The following SLC24A2 variants were observed in gnomAD, a reference collection of about 807,000 sequenced individuals.
SLC24A2 encodes the protein solute carrier family 24 member 2.
SLC24A2 carries 36 observed loss-of-function variants against 62.0 expected under a neutral mutation model. The ratio of observed to expected loss-of-function variants is 0.58; its 90% CI spans 0.44 to 0.77. The LOEUF (loss-of-function observed/expected upper bound fraction) is 0.77. Ranked by LOEUF, SLC24A2 falls within the 30% of genes least tolerant of loss-of-function variation. SLC24A2 has a pLI of 0.00. For missense variants in SLC24A2, 846 were observed against 817.9 expected, an observed-to-expected ratio of 1.03 and a Z score of -0.42; for synonymous variants, 358 against 294.0, an observed-to-expected ratio of 1.22 and a Z score of -2.23.
chr9:19,817,127 A>G, the SLC24A2 span, among the ~76,000 whole-genome samples: 2 of 152,104 alleles, frequency 1.3e-5, no homozygotes, highest in African/African-American at 4.8e-5. Flanking sequence ...AATCATCTGG[A>G]AGACACTGTG....
rs1237058097 is a variant in SLC24A2, at chr9:19,515,066, C to T, written c.*1087G>A. The T allele has an allele frequency of 6.6e-6, 1 of 152,160 alleles. No individual in the cohort carries two copies. The highest frequency in any genetic ancestry group is 1.5e-5 in the Non-Finnish European group (1 of 68,024). The allele number at this position is 152,160 out of a possible 1,614,324, so 9.4% of individuals were successfully genotyped here. Reference sequence around the variant, plus strand: ...GCACATCTAGGCTCTCTTGGCAGCCCTTAGCATCAAAATATATCTACATGA... The same window carrying T: ...GCACATCTAGGCTCTCTTGGCAGCCTTTAGCATCAAAATATATCTACATGA... On this transcript the variant is annotated 3_prime_UTR_variant, in exon 11 of 11. Transcript: ENST00000341998.
chr9:20,220,206 T>G, the SLC24A2 span, among the ~76,000 whole-genome samples: 4 of 152,290 alleles, frequency 2.6e-5, no homozygotes, highest in Non-Finnish European at 4.4e-5. Flanking sequence ...GGTCAATGAC[T>G]GCAACCTATA....
At chr9:19,708,882 C>G (rs1167495982) in intron 2 of SLC24A2, among the ~76,000 whole-genome samples, 1 of 152,096 alleles carries the variant, frequency 6.6e-6, no homozygotes, top group Non-Finnish European at 1.5e-5. Context: ...AAAGCAATGG[C>G]AACAAAAGCC....
intron 8 of SLC24A2, among the ~76,000 whole-genome samples, chr9:19,549,311 C>T (rs1439449486): frequency 6.6e-6 from 1 of 152,206 alleles, no homozygotes; most frequent in Admixed American, 6.5e-5. Context: ...AATTCTTTGA[C>T]ACTCTTCCCA....
the SLC24A2 span, among the ~76,000 whole-genome samples, chr9:20,145,663 C>T: frequency 3.3e-5 from 5 of 151,046 alleles, no homozygotes; most frequent in Non-Finnish European, 2.9e-5. Context: ...AGGCAAAAGT[C>T]CCAGGTCACA....
At chr9:19,734,893 A>G (rs1389037169) in intron 2 of SLC24A2, among the ~76,000 whole-genome samples, 4 of 152,100 alleles carry the variant, frequency 2.6e-5, no homozygotes, top group Non-Finnish European at 5.9e-5. Flanking sequence ...GTTAGACCTA[A>G]AACCATAAAA....
the SLC24A2 span, among the ~76,000 whole-genome samples, chr9:20,149,878 G>T: frequency 2.0e-5 from 3 of 151,938 alleles, no homozygotes; most frequent in Non-Finnish European, 4.4e-5. Context: ...TACGGATACA[G>T]CCCCTTCCTC....
At chr9:20,108,186 T>A in the SLC24A2 span, among the ~76,000 whole-genome samples, 116 of 152,076 alleles carry the variant, frequency 7.6e-4, 2 homozygotes, top group South Asian at 0.011. Flanking sequence ...ATCATTAAAA[T>A]TTCAGGAAAC....
chr9:19,947,803 AAAAAAAAAGAAAGAAAG>A, the SLC24A2 span, among the ~76,000 whole-genome samples: 2 of 122,306 alleles, frequency 1.6e-5, no homozygotes, highest in African/African-American at 3.0e-5. Context: ...AAAAAAAAAA[AAAAAAAAAGAAAGAAAG>A]AAAGAAAGAA....
the SLC24A2 span, among the ~76,000 whole-genome samples, chr9:19,958,407 T>A: frequency 6.6e-6 from 1 of 152,184 alleles, no homozygotes. Context: ...GTCTGTTTCT[T>A]TGCCACCATG....
intron 7 of SLC24A2, among the ~76,000 whole-genome samples, chr9:19,565,332 G>C (rs1037849638): frequency 6.9e-6 from 1 of 145,182 alleles, no homozygotes; most frequent in South Asian, 2.2e-4. Flanking sequence ...CAGACAAACA[G>C]AGAGCCAAAT....
At chr9:19,871,732 C>T in the SLC24A2 span, among the ~76,000 whole-genome samples, 1 of 151,966 alleles carries the variant, frequency 6.6e-6, no homozygotes, top group African/African-American at 2.4e-5. Flanking sequence ...TATTATTTAT[C>T]TATACTTGTG....
At chr9:19,835,368 G>C in the SLC24A2 span, among the ~76,000 whole-genome samples, 1 of 151,106 alleles carries the variant, frequency 6.6e-6, no homozygotes, top group Non-Finnish European at 1.5e-5. Context: ...TCAAAATAAA[G>C]GGATGGAGGA....
intron 10 of SLC24A2, among the ~76,000 whole-genome samples, chr9:19,518,530 T>C (rs1229042077): frequency 6.6e-6 from 1 of 151,902 alleles, no homozygotes; most frequent in Non-Finnish European, 1.5e-5. Context: ...CAAGCGATTC[T>C]CCTGCCTCAG....
At chr9:19,903,737 C>A in the SLC24A2 span, among the ~76,000 whole-genome samples, 8 of 152,182 alleles carry the variant, frequency 5.3e-5, no homozygotes, top group African/African-American at 1.2e-4. Flanking sequence ...AGCGTTAAGT[C>A]TGAAGGAGTC....
At chr9:20,297,424 AG>A in the SLC24A2 span, among the ~76,000 whole-genome samples, 3 of 152,188 alleles carry the variant, frequency 2.0e-5, no homozygotes, top group African/African-American at 7.2e-5. Context: ...TTGAAGGCCA[AG>A]GGGATGGAAA....
At chr9:19,894,476 A>T in the SLC24A2 span, among the ~76,000 whole-genome samples, 1 of 152,208 alleles carries the variant, frequency 6.6e-6, no homozygotes, top group Non-Finnish European at 1.5e-5. Context: ...CATTCATTAC[A>T]TGAATGACTG....
At chr9:19,680,016 A>G (rs1224825769) in intron 2 of SLC24A2, among the ~76,000 whole-genome samples, 2 of 152,150 alleles carry the variant, frequency 1.3e-5, no homozygotes, top group Non-Finnish European at 2.9e-5. Context: ...ACATAAAGTA[A>G]TTAGCTATTA....
the SLC24A2 span, among the ~76,000 whole-genome samples, chr9:20,174,502 T>C: frequency 2.9e-5 from 4 of 140,152 alleles, no homozygotes; most frequent in Non-Finnish European, 4.6e-5. Flanking sequence ...TGGAACAAAT[T>C]AGCAAGAAAA....
Sources: allele counts gnomAD v4.1 joint callset (sites outside exome capture counted in the v4.1 genomes callset), GRCh38; gene constraint gnomAD v4.1.1; transcripts MANE v1.5; gene names NCBI Gene and HGNC (gene_info 2026-07-23, HGNC 2026-07-21).